PSD3: variants seen among roughly 807,000 people sequenced by gnomAD.
The protein encoded by PSD3 is PH and SEC7 domain-containing protein 3.
PSD3 carries 49 observed loss-of-function variants against 105.5 expected under a neutral mutation model. That is an observed-to-expected ratio of 0.46 (90% CI 0.37 to 0.59). The LOEUF (loss-of-function observed/expected upper bound fraction) is 0.59, where lower values mean the gene tolerates loss of function less well. Among genes scored for constraint, PSD3 ranks in the 20% least tolerant of loss-of-function variants. The pLI, the probability that PSD3 is intolerant of heterozygous loss-of-function variation, is 0.00. For synonymous variants in PSD3, 557 were observed against 457.8 expected, an observed-to-expected ratio of 1.22 and a Z score of -2.77; for missense variants, 1,561 against 1,263.8, an observed-to-expected ratio of 1.24 and a Z score of -3.57.
At chr8:18,552,620 G>T (rs1800835094) in intron 15 of PSD3, among the ~76,000 whole-genome samples, 2 of 151,882 alleles carry the variant, frequency 1.3e-5, no homozygotes, top group Admixed American at 1.3e-4. Context: ...AGAAGCACAG[G>T]GATCAATTAA....
rs1453030537 is a variant in PSD3, at chr8:19,023,832, C to T, written c.324+60374G>A. ...ACAGTCTTTGGCACATAGGATACAC[C>T]GGATAAACGACAAATGAAAGTTTGG... On this transcript the variant is annotated intron_variant, in intron 1 of 1. Coordinates refer to the PSD3 transcript ENST00000521475. Among the ~76,000 whole-genome samples the T allele has an allele frequency of 5.3e-5, 8 of 152,092 alleles. No individual in the cohort carries two copies. In the South Asian group the frequency reaches 8.3e-4, roughly 16 times the overall value.
intron 15 of PSD3, among the ~76,000 whole-genome samples, chr8:18,536,350 C>T (rs982098596): frequency 3.2e-4 from 49 of 152,218 alleles, no homozygotes; most frequent in African/African-American, 1.0e-3. Context: ...ACCTGAGCCT[C>T]CCCAGGTAGT....
intron 1 of PSD3, among the ~76,000 whole-genome samples, chr8:19,065,119 G>A (rs1022983895): frequency 5.3e-5 from 8 of 152,164 alleles, no homozygotes; most frequent in Non-Finnish European, 8.8e-5. Context: ...ACCCTATAAG[G>A]AAAGTAATTT....
chr8:19,041,977 T>C (rs1828139909), intron 1 of PSD3, among the ~76,000 whole-genome samples: 1 of 152,150 alleles, frequency 6.6e-6, no homozygotes, highest in Non-Finnish European at 1.5e-5. Flanking sequence ...GGATTTTTTT[T>C]TAACTTTTTC....
In PSD3 at chr8:18,618,805, T is replaced by C. The variant is rs180867165; in HGVS notation, c.2410+13808A>G. 5.9e-3 allele frequency among the ~76,000 whole-genome samples: 898 copies of C among 152,214 alleles called. 4 individuals carry two copies. Among genetic ancestry groups the C allele is most frequent in the Middle Eastern group, 0.051 (15 of 294 alleles). ...AAGCAATCCTCCCACCTTAGCCCCCTGACTAGCTGGGTCTAGGGGCGTATG... is the reference window on the plus strand; with the variant it reads ...AAGCAATCCTCCCACCTTAGCCCCCCGACTAGCTGGGTCTAGGGGCGTATG... On this transcript the variant is annotated intron_variant, in intron 11 of 15. Coordinates refer to ENST00000327040, the MANE Select transcript of PSD3 (RefSeq NM_015310.4).
At chr8:18,616,676 T>G (rs1040163832) in intron 11 of PSD3, among the ~76,000 whole-genome samples, 1 of 136,050 alleles carries the variant, frequency 7.4e-6, no homozygotes, top group Non-Finnish European at 1.6e-5. Flanking sequence ...CAGGCTGGAG[T>G]GCAGTGGCGG....
intron 9 of PSD3, among the ~76,000 whole-genome samples, chr8:18,705,414 T>G (rs1239726097): frequency 6.6e-6 from 1 of 151,424 alleles, no homozygotes; most frequent in Non-Finnish European, 1.5e-5. Context: ...GCCTGTAGTC[T>G]TAGCTACTTG....
intron 9 of PSD3, among the ~76,000 whole-genome samples, chr8:18,691,233 C>T (rs1350265744): frequency 1.3e-5 from 2 of 152,142 alleles, no homozygotes; most frequent in Non-Finnish European, 2.9e-5. Flanking sequence ...CAGTTTTGAA[C>T]CTGGAAAAAA....
At position 19,025,686 on chromosome 8, in the gene PSD3, T is replaced by C. The variant is rs192758353; in HGVS notation, c.324+58520A>G. Among the ~76,000 whole-genome samples, 297 of 152,330 alleles carry C rather than the reference T, an allele frequency of 1.9e-3. 1 individual carries two copies. Among genetic ancestry groups the C allele is most frequent in the African/African-American group, 6.8e-3 (282 of 41,582 alleles). ...CCCAGACTTACTGTTGGCATCTGAATTGGGGAAAGTCTTGTGGGATTTTAA... is the reference window on the plus strand; with the variant it reads ...CCCAGACTTACTGTTGGCATCTGAACTGGGGAAAGTCTTGTGGGATTTTAA... On this transcript the variant is annotated intron_variant, in intron 1 of 1. Transcript: ENST00000521475.
intron 1 of PSD3, among the ~76,000 whole-genome samples, chr8:19,081,943 G>A (rs541502672): frequency 3.9e-5 from 6 of 152,192 alleles, no homozygotes; most frequent in South Asian, 4.1e-4. Context: ...TAAGTTCATC[G>A]ACTGAAAGCT....
intron 4 of PSD3, among the ~76,000 whole-genome samples, chr8:18,828,499 C>A (rs1046413021): frequency 2.0e-5 from 3 of 151,932 alleles, no homozygotes; most frequent in East Asian, 1.9e-4. Context: ...GTATTTTTTA[C>A]GATGAAAAGT....
chr8:19,035,163 C>A (rs1171526867), intron 1 of PSD3, among the ~76,000 whole-genome samples: 1 of 152,118 alleles, frequency 6.6e-6, no homozygotes, highest in Admixed American at 6.5e-5. Context: ...TGTATACTTG[C>A]AAATCTTTTC....
At chr8:18,897,411 A>G (rs975296401) in intron 2 of PSD3, among the ~76,000 whole-genome samples, 1 of 152,066 alleles carries the variant, frequency 6.6e-6, no homozygotes, top group Non-Finnish European at 1.5e-5. Flanking sequence ...TTTGGTTACT[A>G]TGGTTTTGCA....
intron 11 of PSD3, among the ~76,000 whole-genome samples, chr8:18,621,113 G>C (rs1415584149): frequency 1.3e-5 from 2 of 152,000 alleles, no homozygotes; most frequent in African/African-American, 4.8e-5. Flanking sequence ...TCCTAGTCAA[G>C]AGTATTGCTT....
intron 2 of PSD3, among the ~76,000 whole-genome samples, chr8:18,890,803 T>C (rs1449843555): frequency 7.1e-6 from 1 of 141,536 alleles, no homozygotes; most frequent in African/African-American, 2.7e-5. Context: ...TGCTGCAAAC[T>C]GCACTGGGGG....
chr8:18,671,820 A>G (rs966453051), intron 9 of PSD3, among the ~76,000 whole-genome samples: 5 of 152,086 alleles, frequency 3.3e-5, no homozygotes, highest in South Asian at 2.1e-4. Flanking sequence ...TTTAGTAGAG[A>G]TGGGGTTTCA....
intron 10 of PSD3, among the ~76,000 whole-genome samples, chr8:18,636,018 C>T (rs1807224040): frequency 6.6e-6 from 1 of 152,032 alleles, no homozygotes; most frequent in Non-Finnish European, 1.5e-5. Context: ...TGTAACAAAC[C>T]TGCAGGTTCT....
intron 9 of PSD3, among the ~76,000 whole-genome samples, chr8:18,746,507 G>T (rs62495853): frequency 6.6e-6 from 1 of 152,114 alleles, no homozygotes; most frequent in South Asian, 2.1e-4. Context: ...GCCAAGGGAG[G>T]TCCAGGGGGG....
intron 11 of PSD3, among the ~76,000 whole-genome samples, chr8:18,615,898 A>G (rs1240702689): frequency 6.6e-6 from 1 of 152,252 alleles, no homozygotes; most frequent in Non-Finnish European, 1.5e-5. Flanking sequence ...TTGTAATTGT[A>G]AAACAGCCCA....
Sources: gnomAD v4.1 joint callset for allele counts (sites outside exome capture counted in the v4.1 genomes callset) on GRCh38, gnomAD v4.1.1 for gene constraint, MANE v1.5 for transcripts, NCBI Gene and HGNC (gene_info 2026-07-23, HGNC 2026-07-21) for gene names.